IAH1: variants seen among roughly 807,000 people sequenced by gnomAD.
The protein encoded by IAH1 is isoamyl acetate hydrolyzing esterase 1 (putative).
A neutral mutation model predicts 26.7 loss-of-function variants in IAH1; 24 were observed. The ratio of observed to expected loss-of-function variants is 0.90; its 90% CI spans 0.65 to 1.26. The LOEUF (loss-of-function observed/expected upper bound fraction) is 1.26, where lower values mean the gene tolerates loss of function less well. Ranked by LOEUF, IAH1 falls within the 50% of genes most tolerant of loss-of-function variation. The pLI is 0.00. For missense variants in IAH1, 300 were observed against 299.9 expected, an observed-to-expected ratio of 1.00 and a Z score of 0.00; for synonymous variants, 140 against 118.5, an observed-to-expected ratio of 1.18 and a Z score of -1.18.
At chr2:9,497,318 C>T (rs934086372), downstream of IAH1, 50 of 1,579,086 alleles carry the variant, frequency 3.2e-5, no homozygotes, top group East Asian at 6.7e-5. Flanking sequence ...GTGCATAATA[C>T]GCTGTTTCTC....
rs1660932704 is a variant in IAH1, at chr2:9,478,082, A to G, written c.135-140A>G. The G allele has an allele frequency of 9.0e-6, 6 of 666,360 alleles. 1 individual carries two copies. The South Asian group carries it at 1.1e-4, about 12-fold the overall frequency. The allele number at this position is 666,360 out of a possible 1,614,324, so 41.3% of individuals were successfully genotyped here. ...ATGCTTCAGCTATGTTCTTGCTCCTATCAAAGTGAAACCTGGGGGTGGCTC... is the reference window on the plus strand; with the variant it reads ...ATGCTTCAGCTATGTTCTTGCTCCTGTCAAAGTGAAACCTGGGGGTGGCTC... On this transcript the variant is annotated intron_variant, in intron 2 of 5. Transcript: ENST00000497473.
downstream of IAH1, chr2:9,490,440 G>A (rs370064783): frequency 1.1e-4 from 176 of 1,614,170 alleles, no homozygotes; most frequent in Middle Eastern, 3.3e-4. Context: ...GGCTGCAGGC[G>A]GCCTGGAGTC....
upstream of IAH1, chr2:9,474,491 C>A: frequency 1.1e-6 from 1 of 882,282 alleles, no homozygotes; most frequent in Non-Finnish European, 1.6e-6. The surrounding 1 kb of genome is among the most constrained non-coding windows in gnomAD (Gnocchi z 4.3). Context: ...GAGCCCGGCT[C>A]CCGCAACCCA....
the IAH1 span, among the ~76,000 whole-genome samples, chr2:9,504,818 A>T: frequency 6.6e-6 from 1 of 151,848 alleles, no homozygotes; most frequent in African/African-American, 2.4e-5. Context: ...ACCAAGGAGC[A>T]TGCAAGGTCA....
chr2:9,505,599 C>A, the IAH1 span: 2 of 527,464 alleles, frequency 3.8e-6, no homozygotes, highest in East Asian at 6.7e-5. Context: ...ATCTATAATT[C>A]TTCTTACGAA....
the IAH1 span, among the ~76,000 whole-genome samples, chr2:9,502,897 A>C: frequency 6.7e-6 from 1 of 148,422 alleles, no homozygotes; most frequent in African/African-American, 2.5e-5. Context: ...AAAAAAAAAA[A>C]AAAAAAGATG....
chr2:9,478,525 A>G (rs1159043544), intron 3 of IAH1, among the ~76,000 whole-genome samples, 155 bp downstream of exon 3: 2 of 152,154 alleles, frequency 1.3e-5, no homozygotes, highest in Non-Finnish European at 2.9e-5. Flanking sequence ...TGGCTTTAAC[A>G]CTGGTGGATT....
chr2:9,476,325 C>T (rs1660787308), intron 2 of IAH1, among the ~76,000 whole-genome samples: 1 of 152,246 alleles, frequency 6.6e-6, no homozygotes, highest in South Asian at 2.1e-4. Flanking sequence ...AGTCCAGCTG[C>T]TATGACTGCA....
the IAH1 span, among the ~76,000 whole-genome samples, chr2:9,501,752 C>T: frequency 6.6e-6 from 1 of 152,016 alleles, no homozygotes; most frequent in Non-Finnish European, 1.5e-5. Context: ...AGGATGTAGC[C>T]ATTAAAAACC....
downstream of IAH1, chr2:9,492,749 G>C (rs1662264718): frequency 1.8e-6 from 1 of 569,998 alleles, no homozygotes; most frequent in African/African-American, 1.9e-5. Flanking sequence ...TACAAGACAT[G>C]TTCCCCTAGG....
chr2:9,493,113 A>C (rs1662295249), downstream of IAH1: 1 of 724,526 alleles, frequency 1.4e-6, no homozygotes, highest in Non-Finnish European at 2.2e-6. Context: ...CCGAGAGCAG[A>C]ATGTCTGTGC....
At chr2:9,487,821 TGTGTGTGTGTGTGC>T (rs1342244071) in intron 5 of IAH1, among the ~76,000 whole-genome samples, 66 of 92,314 alleles carry the variant, frequency 7.1e-4, no homozygotes, top group African/African-American at 1.8e-3. Flanking sequence ...TGTGTGTGTG[TGTGTGTGTGTGTGC>T]GCGCGCGCGC....
chr2:9,488,168 G>A lies in IAH1; in HGVS notation c.586G>A (p.Asp196Asn). The A allele has an allele frequency of 6.2e-7, 1 of 1,608,152 alleles. No homozygotes were observed. The highest frequency in any genetic ancestry group is 8.5e-7 in the Non-Finnish European group (1 of 1,178,246). ...CTAGGACTTCTCATCTTATTTATCA[G>A]ATGGACTACATTTGTCTCCAAAGGG... ...DSQDFSSYLS[D>N]GLHLSPKGNE... Residue 196 changes from aspartate (D) to asparagine (N), a missense_variant, in exon 6 of 6, where the codon GAT becomes AAT. Transcript: ENST00000497473.
At chr2:9,496,184 A>G (rs1662585147) in intron 6 of IAH1, 1 of 152,134 alleles carries the variant, frequency 6.6e-6, no homozygotes, top group South Asian at 2.1e-4. Flanking sequence ...GCTAGAGTGT[A>G]GCGGCGCAAT....
At chr2:9,481,616 T>C (rs977647569) in intron 4 of IAH1, among the ~76,000 whole-genome samples, 169 bp downstream of exon 4, 2 of 152,194 alleles carry the variant, frequency 1.3e-5, no homozygotes, top group Admixed American at 6.5e-5. Flanking sequence ...CATTATGTTA[T>C]ACCTGAGACC....
chr2:9,505,632 T>C, the IAH1 span: 1 of 435,788 alleles, frequency 2.3e-6, no homozygotes, highest in Non-Finnish European at 4.2e-6. Flanking sequence ...ATACAAATAC[T>C]GAGACCAAAC....
chr2:9,493,951 C>T (rs1662359236), downstream of IAH1: 1 of 712,946 alleles, frequency 1.4e-6, no homozygotes, highest in African/African-American at 1.8e-5. Flanking sequence ...CCATCTTTGA[C>T]ACAAGGCAAT....
rs34525911 is a variant in IAH1 at position 9,489,259 on chromosome 2, A to ATTTTTTTTTTTTTTTTTTTTT, written c.*934_*954dup. On this transcript the variant is annotated 3_prime_UTR_variant, in exon 6 of 6. Transcript: ENST00000497473. ...AATATTCTAGGTTTGTAGATAGTGA[A>ATTTTTTTTTTTTTTTTTTTTT]TTTTTTTTTTTTTTTTTTTTTTTTG... The ATTTTTTTTTTTTTTTTTTTTT allele has an allele frequency of 4.6e-4, 40 of 87,398 alleles. 3 individuals carry two copies. The highest frequency in any genetic ancestry group is 2.4e-3 in the African/African-American group (37 of 15,528). The allele number at this position is 87,398 out of a possible 1,614,324, so 5.4% of individuals were successfully genotyped here. A position where few individuals can be genotyped will look rare whatever the true frequency, so the allele number is the denominator to read the frequency against.
chr2:9,498,175 G>A (rs1358299728), downstream of IAH1, among the ~76,000 whole-genome samples: 6 of 152,118 alleles, frequency 3.9e-5, no homozygotes, highest in Non-Finnish European at 2.9e-5. Flanking sequence ...GATTTCAGGC[G>A]TACGCCACCA....
Sources: allele counts gnomAD v4.1 joint callset (sites outside exome capture counted in the v4.1 genomes callset), GRCh38; gene constraint gnomAD v4.1.1; non-coding constraint Gnocchi (gnomAD v3.1); transcripts MANE v1.5; gene names NCBI Gene and HGNC (gene_info 2026-07-23, HGNC 2026-07-21).